The following FCN1 variants were observed in gnomAD, a reference collection of about 807,000 sequenced individuals.
FCN1 encodes the protein ficolin-1.
In FCN1, 42 loss-of-function variants were observed where a neutral mutation model predicts 35.6. The observed-to-expected ratio is 1.18, with a 90% confidence interval of 0.92 to 1.53. The LOEUF is 1.53. FCN1 is among the 40% of genes most tolerant of loss of function. The probability of loss-of-function intolerance (pLI) is 0.00; values close to 1 mark genes in which losing one functional copy is unlikely to be tolerated. For missense variants in FCN1, 439 were observed against 428.4 expected (o/e 1.02, Z -0.22); for synonymous variants, 179 against 169.8 (o/e 1.05, Z -0.42).
Position 134,907,277 on chromosome 9 carries a change from C to CAGCCCCCAA in FCN1, c.*2520_*2521insTTGGGGGCT, listed in dbSNP as rs1830966797. ...GATTGTGGCAGGGGCGTAGTAGGGT[C>CAGCCCCCAA]TGGTCAGCCCCCAATGGGCTACAAG... On this transcript the variant is annotated 3_prime_UTR_variant, in exon 9 of 9. Coordinates refer to ENST00000371806, the MANE Select transcript of FCN1 (RefSeq NM_002003.5). 1 of 152,192 alleles carries CAGCCCCCAA rather than the reference C, an allele frequency of 6.6e-6. No individual in the cohort carries two copies. Among genetic ancestry groups the CAGCCCCCAA allele is most frequent in the Admixed American group, 6.5e-5 (1 of 15,276 alleles). The allele number at this position is 152,192 out of a possible 1,614,324, so 9.4% of individuals were successfully genotyped here.
At position 134,912,564 on chromosome 9, in the gene FCN1, C is replaced by A. The variant is rs549932798; in HGVS notation, c.520G>T (p.Ala174Ser). The change falls in exon 7 of 9, where the codon GCA (alanine) becomes TCA (serine). Residue 174 changes from alanine (A) to serine (S), a missense_variant. Physicochemically the swap from Ala to Ser is moderately conservative, Grantham distance 99 (BLOSUM62 1). Transcript: ENST00000371806. ...TGACTGCCGAAGCCCTGCTTGTATG[C>A]GGCCCAGTCCCGATAGAAGTCCACA... is the stretch of plus-strand genomic sequence containing the variant. ...GSVDFYRDWA[A>S]YKQGFGSQLG... The A allele has an allele frequency of 6.2e-7, 1 of 1,614,066 alleles. No homozygotes were observed.
Position 134,904,165 on chromosome 9 carries a change from C to T in FCN1, c.*5633G>A, listed in dbSNP as rs1312863461. Among the ~76,000 whole-genome samples, 2 of 152,048 alleles carry T rather than the reference C, an allele frequency of 1.3e-5. No homozygotes were observed. The highest frequency in any genetic ancestry group is 2.4e-5 in the African/African-American group (1 of 41,386). Reference sequence around the variant, plus strand: ...ACATCAAGTCACAGATTCTATGAACCCCAAGCAAGACAAATTCAGAGAAAG... The same window carrying T: ...ACATCAAGTCACAGATTCTATGAACTCCAAGCAAGACAAATTCAGAGAAAG... On this transcript the variant is annotated 3_prime_UTR_variant, in exon 9 of 9. Transcript: ENST00000371806.
rs920707267 is a variant in FCN1, at chr9:134,904,614, A to G, written c.*5184T>C. 6.6e-5 allele frequency among the ~76,000 whole-genome samples: 10 copies of G among 151,920 alleles called. No individual in the cohort carries two copies. The highest frequency in any genetic ancestry group is 1.3e-4 in the Admixed American group (2 of 15,236). On this transcript the variant is annotated 3_prime_UTR_variant, in exon 9 of 9. Coordinates refer to ENST00000371806, the MANE Select transcript of FCN1 (RefSeq NM_002003.5). Reference sequence around the variant, plus strand: ...GCTAACATGGCGAAACCCCATCTCTACCAAAAAATACAAAAATTAGCCCAG... The same window carrying G: ...GCTAACATGGCGAAACCCCATCTCTGCCAAAAAATACAAAAATTAGCCCAG...
chr9:134,917,523 C>T (rs902284480), intron 1 of FCN1, among the ~76,000 whole-genome samples: 2 of 152,186 alleles, frequency 1.3e-5, no homozygotes, highest in Admixed American at 6.5e-5. Context: ...ACCTATGAAG[C>T]TCCAATGGGC....
Position 134,916,398 on chromosome 9 carries a change from A to G in FCN1, c.167T>C (p.Leu56Pro). Residue 56 changes from leucine (L) to proline (P), a missense_variant, in exon 2 of 9, where the codon CTG becomes CCG. Transcript: ENST00000371806. ...KLTILRGCPG[L>P]PGAPGPKGEA... ...TCCCTTTGGCCCTGGGGCCCCGGGC[A>G]GCCCCGGGCAGCCTCGGAGAATGGT... 6.2e-7 allele frequency: 1 copy of G among 1,614,030 alleles called. No individual in the cohort carries two copies.
rs1226199624 is a variant in FCN1 at position 134,903,567 on chromosome 9, G to A, written c.*6231C>T. On this transcript the variant is annotated 3_prime_UTR_variant, in exon 9 of 9. Transcript: ENST00000371806. ...AACTCTTAGAACTGAACTAAAATAG[G>A]TGAATTTTACTGTATTAAATTATAC... 6.6e-6 allele frequency among the ~76,000 whole-genome samples: 1 copy of A among 151,934 alleles called. No individual in the cohort carries two copies. The highest frequency in any genetic ancestry group is 6.6e-5 in the Admixed American group (1 of 15,254).
In FCN1 at chr9:134,903,578, T is replaced by C. The variant is rs1213099690; in HGVS notation, c.*6220A>G. Among the ~76,000 whole-genome samples the C allele has an allele frequency of 6.6e-6, 1 of 152,150 alleles. No individual in the cohort carries two copies. Among genetic ancestry groups the C allele is most frequent in the Admixed American group, 6.5e-5 (1 of 15,274 alleles). On this transcript the variant is annotated 3_prime_UTR_variant, in exon 9 of 9. Transcript: ENST00000371806. ...CTGAACTAAAATAGGTGAATTTTACTGTATTAAATTATACCTCAAAAAATC... is the reference window on the plus strand; with the variant it reads ...CTGAACTAAAATAGGTGAATTTTACCGTATTAAATTATACCTCAAAAAATC...
intron 3 of FCN1, 73 bp from the exon 4 acceptor site, chr9:134,914,493 G>T: frequency 7.0e-7 from 1 of 1,433,028 alleles, no homozygotes; most frequent in Non-Finnish European, 9.8e-7. Context: ...TCCAGAGTGG[G>T]CTCCCGGCCT....
chr9:134,904,776 T>C lies in FCN1; in HGVS notation c.*5022A>G, dbSNP rs1277481358. 1.3e-5 allele frequency among the ~76,000 whole-genome samples: 2 copies of C among 151,866 alleles called. No individual in the cohort carries two copies. Among genetic ancestry groups the C allele is most frequent in the Non-Finnish European group, 2.9e-5 (2 of 67,988 alleles). On this transcript the variant is annotated 3_prime_UTR_variant, in exon 9 of 9. Transcript: ENST00000371806. The stretch of plus-strand genomic sequence containing the variant: ...GCCTGGGGGACAGAGTGAGACCCTG[T>C]TTCAAAAAATAAAAATAAAAAATAT...
Position 134,909,356 on chromosome 9 carries a change from G to A in FCN1, c.*442C>T, listed in dbSNP as rs769967716. The A allele has an allele frequency of 7.8e-7, 1 of 1,289,528 alleles. No homozygotes were observed. The highest frequency in any genetic ancestry group is 1.5e-5 in the African/African-American group (1 of 65,930). The allele number at this position is 1,289,528 out of a possible 1,614,324, so 79.9% of individuals were successfully genotyped here. On this transcript the variant is annotated 3_prime_UTR_variant, in exon 9 of 9. Coordinates refer to ENST00000371806, the MANE Select transcript of FCN1 (RefSeq NM_002003.5). Reference sequence around the variant, plus strand: ...GTTGTGAGTGAGGCATGGGGGGATGGGGGAGGCTTGGGGGTGGAGGTGAGG... The same window carrying A: ...GTTGTGAGTGAGGCATGGGGGGATGAGGGAGGCTTGGGGGTGGAGGTGAGG...
chr9:134,915,443 G>A (rs1831080876), intron 2 of FCN1, among the ~76,000 whole-genome samples: 2 of 152,158 alleles, frequency 1.3e-5, no homozygotes, highest in African/African-American at 4.8e-5. Context: ...ATGCCCACTG[G>A]TAGAAGCCTG....
Position 134,905,443 on chromosome 9 carries a change from A to G in FCN1, c.*4355T>C, listed in dbSNP as rs1163247105. Among the ~76,000 whole-genome samples, 1 of 152,140 alleles carries G rather than the reference A, an allele frequency of 6.6e-6. No individual in the cohort carries two copies. The highest frequency in any genetic ancestry group is 1.5e-5 in the Non-Finnish European group (1 of 68,006). ...TTCTGCTGATGTGAGTTGGGGAGGA[A>G]TTGGTGATGGGAAAAGACTCTTCAT... On this transcript the variant is annotated 3_prime_UTR_variant, in exon 9 of 9. Coordinates refer to ENST00000371806, the MANE Select transcript of FCN1 (RefSeq NM_002003.5).
chr9:134,914,910 T>C (rs1224077867), intron 2 of FCN1, 101 bp from the exon 3 acceptor site: 2 of 843,684 alleles, frequency 2.4e-6, no homozygotes, highest in Admixed American at 4.3e-5. Context: ...TCCCCCACTC[T>C]GCCTTGAACC....
At position 134,909,626 on chromosome 9, in the gene FCN1, C is replaced by T; in HGVS notation, c.*172G>A. On this transcript the variant is annotated 3_prime_UTR_variant, in exon 9 of 9. Coordinates refer to ENST00000371806, the MANE Select transcript of FCN1 (RefSeq NM_002003.5). ...TAAACATATTTAGAAACATAATTCT[C>T]CCTCTGGTGAGGTTGTGGGCATGTG... The T allele has an allele frequency of 6.4e-7, 1 of 1,572,852 alleles. No individual in the cohort carries two copies. The highest frequency in any genetic ancestry group is 8.6e-7 in the Non-Finnish European group (1 of 1,164,958).
rs1831064824 is a variant in FCN1, at chr9:134,914,369, C to T, written c.307+16G>A. ...AAGCCTGCAGAGACAACTGCCTGGGCCCACGGGTGGCTCACCTTTCTCTCC... is the reference window on the plus strand; with the variant it reads ...AAGCCTGCAGAGACAACTGCCTGGGTCCACGGGTGGCTCACCTTTCTCTCC... On this transcript the variant is annotated intron_variant, in intron 4 of 8. Transcript: ENST00000371806. 3.7e-6 allele frequency: 6 copies of T among 1,613,222 alleles called. No homozygotes were observed. The highest frequency in any genetic ancestry group is 5.1e-6 in the Non-Finnish European group (6 of 1,179,194).
chr9:134,913,182 C>T (rs1831047984), intron 5 of FCN1, 39 bp from the exon 6 acceptor site: 3 of 1,610,204 alleles, frequency 1.9e-6, no homozygotes, highest in Non-Finnish European at 2.5e-6. Flanking sequence ...AGGACGGGGG[C>T]CCTGGGCAGG....
At position 134,905,796 on chromosome 9, in the gene FCN1, T is replaced by TGCTG. The variant is rs1331545854; in HGVS notation, c.*4001_*4002insCAGC. ...ACCGCGCCTGGCCGCTGCTGCTGCT[T>TGCTG]CTTCTTCTTCTTCCTCTTCTTCTTC... On this transcript the variant is annotated 3_prime_UTR_variant, in exon 9 of 9. Coordinates refer to ENST00000371806, the MANE Select transcript of FCN1 (RefSeq NM_002003.5). The TGCTG allele has an allele frequency of 9.6e-6, 1 of 103,748 alleles. No homozygotes were observed. The highest frequency in any genetic ancestry group is 8.4e-5 in the Admixed American group (1 of 11,922). The allele number at this position is 103,748 out of a possible 1,614,324, so 6.4% of individuals were successfully genotyped here.
At chr9:134,912,436 C>A in intron 7 of FCN1, 50 bp downstream of exon 7, 1 of 1,580,990 alleles carries the variant, frequency 6.3e-7, no homozygotes, top group Non-Finnish European at 8.6e-7. Flanking sequence ...GCCTAAGGGG[C>A]AGGAGCACCT....
In FCN1 at chr9:134,912,559, G is replaced by A; in HGVS notation, c.525C>T (p.Tyr175=). ...CCAGCTGACTGCCGAAGCCCTGCTT[G>A]TATGCGGCCCAGTCCCGATAGAAGT... is the stretch of plus-strand genomic sequence containing the variant. The part of the protein sequence containing the change: ...SVDFYRDWAA[Y]KQGFGSQLGE... Residue 175 remains tyrosine (Y), a synonymous_variant, in exon 7 of 9, where the codon TAC becomes TAT. Coordinates refer to ENST00000371806, the MANE Select transcript of FCN1 (RefSeq NM_002003.5). 3 of 1,614,130 alleles carry A rather than the reference G, an allele frequency of 1.9e-6. No homozygotes were observed. Among genetic ancestry groups the A allele is most frequent in the Non-Finnish European group, 2.5e-6 (3 of 1,179,982 alleles).
Sources: gnomAD v4.1 joint callset for allele counts (sites outside exome capture counted in the v4.1 genomes callset) on GRCh38, gnomAD v4.1.1 for gene constraint, MANE v1.5 for transcripts, NCBI Gene and HGNC (gene_info 2026-07-23, HGNC 2026-07-21) for gene names.